CDH13: variants seen among roughly 807,000 people sequenced by gnomAD.
CDH13 encodes cadherin-13.
A neutral mutation model predicts 63.8 loss-of-function variants in CDH13; 24 were observed. The observed-to-expected ratio is 0.38, with a 90% CI of 0.27 to 0.53. CDH13 has a LOEUF of 0.53. Among genes scored for constraint, CDH13 ranks in the 20% least tolerant of loss-of-function variants. The pLI, the probability that CDH13 is intolerant of heterozygous loss-of-function variation, is 0.85. For synonymous variants in CDH13, 503 were observed against 355.3 expected, an observed-to-expected ratio of 1.42 and a Z score of -4.67; for missense variants, 1,049 against 903.1, an observed-to-expected ratio of 1.16 and a Z score of -2.07.
intron 3 of CDH13, among the ~76,000 whole-genome samples, chr16:83,074,040 G>C (rs2032643985): frequency 6.6e-6 from 1 of 152,024 alleles, no homozygotes; most frequent in Non-Finnish European, 1.5e-5. Context: ...ACAATACATT[G>C]GTGTGAGCTG....
intron 5 of CDH13, among the ~76,000 whole-genome samples, chr16:83,288,902 A>T (rs1156252935): frequency 6.6e-6 from 1 of 152,212 alleles, no homozygotes; most frequent in Non-Finnish European, 1.5e-5. Context: ...ATCCTTTTGA[A>T]CATTCGCCTG....
intron 2 of CDH13, among the ~76,000 whole-genome samples, chr16:83,023,528 G>C (rs919093552): frequency 6.6e-6 from 1 of 152,182 alleles, no homozygotes; most frequent in South Asian, 2.1e-4. Context: ...TTGAGTATTT[G>C]TTCACAAGTT....
chr16:82,715,592 G>A (rs2032307676), intron 1 of CDH13, among the ~76,000 whole-genome samples: 1 of 152,116 alleles, frequency 6.6e-6, no homozygotes, highest in Admixed American at 6.6e-5. Context: ...TGATAGGGTA[G>A]CCAAACAGGA....
At chr16:83,742,983 G>C (rs2086993302) in intron 10 of CDH13, among the ~76,000 whole-genome samples, 1 of 152,198 alleles carries the variant, frequency 6.6e-6, no homozygotes, top group African/African-American at 2.4e-5. Context: ...CAAAGCAGGT[G>C]GATCGCTTGA....
intron 6 of CDH13, among the ~76,000 whole-genome samples, chr16:83,415,504 A>G (rs776922109): frequency 6.6e-6 from 1 of 152,192 alleles, no homozygotes; most frequent in Non-Finnish European, 1.5e-5. Context: ...ATGTAGAAGC[A>G]AAAGTCCTTA....
intron 2 of CDH13, among the ~76,000 whole-genome samples, chr16:82,891,037 GTTTTTTT>G (rs869162441): frequency 2.4e-5 from 2 of 82,780 alleles, no homozygotes; most frequent in Admixed American, 1.5e-4. Context: ...ATAGAGGAGG[GTTTTTTT>G]TTTTTTTTTT....
intron 7 of CDH13, among the ~76,000 whole-genome samples, chr16:83,554,262 C>G (rs530914942): frequency 6.6e-6 from 1 of 151,136 alleles, no homozygotes; most frequent in Admixed American, 6.6e-5. Context: ...AATTTGAACT[C>G]CAGCCTGAAA....
At position 83,344,839 on chromosome 16, in the gene CDH13, C is replaced by T. The variant is rs377188452; in HGVS notation, c.637-23C>T. The stretch of plus-strand genomic sequence containing the variant: ...ATAATGAATTAATATCTTCTTTCTC[C>T]CCCAATCTCTTTGCTCAAATAGCTA... On this transcript the variant is annotated intron_variant, in intron 5 of 13. Transcript: ENST00000567109. 2.4e-4 allele frequency: 379 copies of T among 1,612,072 alleles called. 2 individuals are homozygous for T. In the African/African-American group the frequency reaches 4.4e-3, roughly 19 times the overall value.
chr16:83,327,051 G>T (rs1281675659), intron 5 of CDH13, among the ~76,000 whole-genome samples: 2 of 152,194 alleles, frequency 1.3e-5, no homozygotes, highest in Non-Finnish European at 2.9e-5. Context: ...ATGGCAGAGG[G>T]ATTTATGTAA....
chr16:83,522,194 G>C (rs868214186), intron 7 of CDH13, among the ~76,000 whole-genome samples: 4 of 152,190 alleles, frequency 2.6e-5, no homozygotes, highest in African/African-American at 9.7e-5. Context: ...TGCCTGCTCT[G>C]CTGCAGCCTC....
intron 8 of CDH13, among the ~76,000 whole-genome samples, chr16:83,646,161 A>C (rs1911771667): frequency 6.6e-6 from 1 of 152,110 alleles, no homozygotes; most frequent in Non-Finnish European, 1.5e-5. Context: ...GACTCAGACC[A>C]ACCGGGGTCT....
chr16:83,444,643 C>A (rs2072612933), intron 6 of CDH13, among the ~76,000 whole-genome samples: 1 of 152,086 alleles, frequency 6.6e-6, no homozygotes, highest in South Asian at 2.1e-4. Context: ...TGCTCATGTC[C>A]CTCCGGTGAT....
chr16:83,428,914 A>G (rs1397523224), intron 6 of CDH13, among the ~76,000 whole-genome samples: 1 of 152,198 alleles, frequency 6.6e-6, no homozygotes, highest in Non-Finnish European at 1.5e-5. Flanking sequence ...GGGCCAATCC[A>G]TTACATTTAT....
rs1597153313 is a variant in CDH13 at position 82,627,070 on chromosome 16, C to T, written c.-23C>T. ...GCCGCGTGCATGAATGAAAACGCCGCCGGGCGCTTCTAGTCGGACAAAATG... is the reference window on the plus strand; with the variant it reads ...GCCGCGTGCATGAATGAAAACGCCGTCGGGCGCTTCTAGTCGGACAAAATG... On this transcript the variant is annotated 5_prime_UTR_variant, in exon 1 of 14. Transcript: ENST00000567109. The T allele has an allele frequency of 3.8e-6, 6 of 1,588,180 alleles. No individual in the cohort carries two copies. In the South Asian group the frequency reaches 5.8e-5, roughly 15 times the overall value.
chr16:82,758,045 G>A (rs2034685189), intron 1 of CDH13, among the ~76,000 whole-genome samples: 1 of 152,130 alleles, frequency 6.6e-6, no homozygotes, highest in African/African-American at 2.4e-5. Flanking sequence ...TACCTTTCAG[G>A]TTAGTTGTAG....
At chr16:82,850,960 A>G (rs1420612165) in intron 1 of CDH13, among the ~76,000 whole-genome samples, 1 of 152,248 alleles carries the variant, frequency 6.6e-6, no homozygotes, top group Non-Finnish European at 1.5e-5. Context: ...CTGGGAAGCC[A>G]AAAAGTTCAT....
intron 11 of CDH13, among the ~76,000 whole-genome samples, chr16:83,769,631 G>T (rs1429576901): frequency 6.6e-6 from 1 of 152,170 alleles, no homozygotes; most frequent in African/African-American, 2.4e-5. Context: ...CAGTTGAGTT[G>T]GTGCCTTCCT....
intron 6 of CDH13, among the ~76,000 whole-genome samples, chr16:83,429,760 T>G (rs1377236491): frequency 2.0e-5 from 3 of 152,170 alleles, no homozygotes; most frequent in African/African-American, 7.2e-5. Context: ...TGAACCACGT[T>G]TTTATTTTAT....
At chr16:83,346,208 A>G (rs576995005) in intron 6 of CDH13, among the ~76,000 whole-genome samples, 2 of 152,318 alleles carry the variant, frequency 1.3e-5, no homozygotes, top group Admixed American at 6.5e-5. Context: ...CAGATGGCAG[A>G]GGAGCAATGA....
Sources: gnomAD v4.1 joint callset for allele counts (sites outside exome capture counted in the v4.1 genomes callset) on GRCh38, gnomAD v4.1.1 for gene constraint, MANE v1.5 for transcripts, NCBI Gene and HGNC (gene_info 2026-07-23, HGNC 2026-07-21) for gene names.